Variants in ROCK2 observed in about 807,000 individuals in gnomAD.
ROCK2 encodes the protein Rho associated coiled-coil containing protein kinase 2, also known as rho-associated protein kinase 2.
A neutral mutation model predicts 195.1 loss-of-function variants in ROCK2; 61 were observed. The observed-to-expected ratio is 0.31, with a 90% confidence interval of 0.25 to 0.39. The LOEUF (loss-of-function observed/expected upper bound fraction) is 0.39, where lower values mean the gene tolerates loss of function less well. Among genes scored for constraint, ROCK2 ranks in the 10% least tolerant of loss-of-function variants. The pLI, the probability that ROCK2 is intolerant of heterozygous loss-of-function variation, is 1.00. For synonymous variants in ROCK2, 504 were observed against 545.5 expected, an observed-to-expected ratio of 0.92 and a Z score of 1.06; for missense variants, 1,109 against 1,637.4, an observed-to-expected ratio of 0.68 and a Z score of 5.57.
chr2:11,314,142 A>T (rs1425132535), intron 1 of ROCK2, among the ~76,000 whole-genome samples: 1 of 151,970 alleles, frequency 6.6e-6, no homozygotes, highest in Non-Finnish European at 1.5e-5. Flanking sequence ...TAGAACTATG[A>T]TAAATGAATA....
At chr2:11,237,975 G>A (rs1398233235) in intron 4 of ROCK2, among the ~76,000 whole-genome samples, 3 of 152,204 alleles carry the variant, frequency 2.0e-5, no homozygotes, top group African/African-American at 7.2e-5. Context: ...CTAATCGGGA[G>A]GCTGAGGTGG....
At chr2:11,294,037 G>A (rs1189561570) in intron 1 of ROCK2, among the ~76,000 whole-genome samples, 2 of 151,990 alleles carry the variant, frequency 1.3e-5, no homozygotes, top group Non-Finnish European at 2.9e-5. Flanking sequence ...GGCGCCTGTA[G>A]TCCCAGCTAC....
Position 11,214,919 on chromosome 2 carries a change from T to C in ROCK2, c.1857A>G (p.Glu619=). ...LETAKLKLEK[E]FINLQSALES... is the part of the protein sequence containing the mutation. The stretch of plus-strand genomic sequence containing the variant: ...CTAGAGCTGACTGAAGATTGATAAA[T>C]TCCTTTTCAAGTTTTAACTTGGCAG... The change falls in exon 16 of 33, where the codon GAA becomes GAG. Residue 619 remains glutamate, a synonymous_variant. Coordinates refer to ENST00000315872, the MANE Select transcript of ROCK2 (RefSeq NM_004850.5). 1.2e-6 allele frequency: 2 copies of C among 1,614,060 alleles called. No individual in the cohort carries two copies. Among genetic ancestry groups the C allele is most frequent in the Non-Finnish European group, 1.7e-6 (2 of 1,179,960 alleles).
chr2:11,343,055 G>A (rs1669155135), intron 1 of ROCK2, among the ~76,000 whole-genome samples: 1 of 152,166 alleles, frequency 6.6e-6, no homozygotes, highest in Non-Finnish European at 1.5e-5. Flanking sequence ...ACGGATCTAA[G>A]GACCTCCCAC....
In ROCK2 at chr2:11,201,466, T is replaced by C; in HGVS notation, c.2620-53A>G. ...GTATCATCATCAGAAATATTACTTC[T>C]ACATTCAAAAGCTATTCAGACAAAA... On this transcript the variant is annotated intron_variant, in intron 21 of 32. Transcript: ENST00000315872. The surrounding 1 kb of genome is among the most constrained non-coding windows in gnomAD (Gnocchi z 4.6). The C allele has an allele frequency of 2.1e-6, 2 of 970,690 alleles. No homozygotes were observed. The highest frequency in any genetic ancestry group is 1.6e-6 in the Non-Finnish European group (1 of 608,982). 60.1% of individuals were successfully genotyped at this position (970,690 alleles called of 1,614,324 possible).
chr2:11,281,047 G>T (rs536513918), intron 3 of ROCK2, among the ~76,000 whole-genome samples: 1 of 151,694 alleles, frequency 6.6e-6, no homozygotes. Context: ...AGAATTATAC[G>T]CCACAACCAA....
chr2:11,183,727 ACCACAGAAT>A (rs1663090494), intron 32 of ROCK2, among the ~76,000 whole-genome samples: 1 of 131,800 alleles, frequency 7.6e-6, no homozygotes, highest in Admixed American at 8.3e-5. Context: ...TAAACAATAT[ACCACAGAAT>A]AACTTAGAAG....
chr2:11,308,583 A>G, intron 1 of ROCK2: 4 of 1,496,406 alleles, frequency 2.7e-6, no homozygotes, highest in African/African-American at 1.4e-5. Flanking sequence ...ATCAATCCCT[A>G]TATTACAGTT....
chr2:11,296,400 T>C (rs369420806), intron 1 of ROCK2, among the ~76,000 whole-genome samples: 20 of 152,330 alleles, frequency 1.3e-4, no homozygotes, highest in African/African-American at 4.6e-4. Context: ...CTGTTTCTAG[T>C]CAATTGTCAA....
rs372642453 is a variant in ROCK2, at chr2:11,235,750, A to G, written c.675T>C (p.His225=). The change falls in exon 5 of 33, where the codon CAT becomes CAC. Residue 225 remains histidine, a synonymous_variant. Transcript: ENST00000315872. This position sits in a 1 kb window ranked among gnomAD's most constrained non-coding sequence, Gnocchi z 4.2. ...CAAAATCTGCTAATTTTAGATGTCC[A>G]TGTTTATCCAAGAGCATGTTGTCAG... ...VKPDNMLLDK[H]GHLKLADFGT... The G allele has an allele frequency of 9.3e-6, 15 of 1,613,546 alleles. No individual in the cohort carries two copies. In the African/African-American group the frequency reaches 1.5e-4, roughly 16 times the overall value.
At position 11,212,901 on chromosome 2, in the gene ROCK2, T is replaced by G. The variant is rs534856574; in HGVS notation, c.2044-1061A>C. 3.3e-5 allele frequency among the ~76,000 whole-genome samples: 5 copies of G among 152,330 alleles called. No homozygotes were observed. In the East Asian group the frequency reaches 9.6e-4, roughly 29 times the overall value. On this transcript the variant is annotated intron_variant, in intron 17 of 32. Coordinates refer to ENST00000315872, the MANE Select transcript of ROCK2 (RefSeq NM_004850.5). ...CCTACTGCAGTGCAGACATGCTAATTTGGCTGTCCCATAGGTACCCTCAAA... is the reference window on the plus strand; with the variant it reads ...CCTACTGCAGTGCAGACATGCTAATGTGGCTGTCCCATAGGTACCCTCAAA...
At chr2:11,227,218 A>C in intron 6 of ROCK2, 36 bp downstream of exon 6, 2 of 1,557,480 alleles carry the variant, frequency 1.3e-6, no homozygotes, top group Non-Finnish European at 1.8e-6. Flanking sequence ...TATTATAAGA[A>C]GCATTTTGAA....
chr2:11,229,562 C>T (rs1199284027), intron 5 of ROCK2, among the ~76,000 whole-genome samples: 3 of 143,248 alleles, frequency 2.1e-5, no homozygotes, highest in Non-Finnish European at 4.5e-5. Flanking sequence ...CTTCACGTAT[C>T]CAAAAAAAAA....
chr2:11,226,595 T>C (rs1664818389), intron 6 of ROCK2, among the ~76,000 whole-genome samples: 1 of 152,112 alleles, frequency 6.6e-6, no homozygotes, highest in African/African-American at 2.4e-5. Flanking sequence ...ATTTAAATAT[T>C]ATAACAAATA....
At chr2:11,291,534 G>C (rs1667363228) in intron 1 of ROCK2, among the ~76,000 whole-genome samples, 1 of 144,530 alleles carries the variant, frequency 6.9e-6, no homozygotes, top group Non-Finnish European at 1.5e-5. Flanking sequence ...CTGAGCGACA[G>C]ACCAAGACTC....
At chr2:11,317,648 G>C (rs1358159507) in intron 1 of ROCK2, among the ~76,000 whole-genome samples, 3 of 92,824 alleles carry the variant, frequency 3.2e-5, no homozygotes, top group Non-Finnish European at 6.2e-5. Context: ...TAAGTTCTAG[G>C]GTACATGTGC....
At chr2:11,190,245 A>G (rs1475928657) in intron 32 of ROCK2, among the ~76,000 whole-genome samples, 2 of 152,174 alleles carry the variant, frequency 1.3e-5, no homozygotes, top group Non-Finnish European at 2.9e-5. Flanking sequence ...TTTTGATATT[A>G]GTTTTATTTA....
chr2:11,193,622 A>G (rs1410077964), intron 30 of ROCK2, among the ~76,000 whole-genome samples, 157 bp downstream of exon 30: 1 of 152,210 alleles, frequency 6.6e-6, no homozygotes, highest in African/African-American at 2.4e-5. Flanking sequence ...AAAGTCACAA[A>G]GCAACAAACC....
intron 32 of ROCK2, among the ~76,000 whole-genome samples, chr2:11,187,590 T>G (rs901117165): frequency 2.6e-5 from 4 of 152,192 alleles, no homozygotes; most frequent in African/African-American, 7.2e-5. Flanking sequence ...ATTAATTTTG[T>G]ATGGGGATGA....
Sources: gnomAD v4.1 joint callset for allele counts (sites outside exome capture counted in the v4.1 genomes callset) on GRCh38, gnomAD v4.1.1 for gene constraint, Gnocchi (gnomAD v3.1) non-coding constraint, MANE v1.5 for transcripts, NCBI Gene and HGNC (gene_info 2026-07-23, HGNC 2026-07-21) for gene names.